FBXO10: variants seen among roughly 807,000 people sequenced by gnomAD.
FBXO10 encodes the protein F-box protein 10.
A neutral mutation model predicts 80.7 loss-of-function variants in FBXO10; 39 were observed. The ratio of observed to expected loss-of-function variants is 0.48; its 90% CI spans 0.37 to 0.63. FBXO10 has a LOEUF of 0.63. Among genes scored for constraint, FBXO10 ranks in the 30% least tolerant of loss-of-function variants. FBXO10 has a pLI of 0.00. For missense variants in FBXO10, 1,025 were observed against 1,269.0 expected, an observed-to-expected ratio of 0.81 and a Z score of 2.92; for synonymous variants, 449 against 489.6, an observed-to-expected ratio of 0.92 and a Z score of 1.09.
intron 1 of FBXO10, among the ~76,000 whole-genome samples, chr9:37,544,967 C>G (rs1459563381): frequency 1.5e-5 from 2 of 134,468 alleles, no homozygotes; most frequent in Admixed American, 1.6e-4. Flanking sequence ...GCACTCCAGC[C>G]TGGGCGACAG....
At chr9:37,518,563 A>C (rs1191593542) in intron 8 of FBXO10, 125 bp from the exon 9 acceptor site, 2 of 764,970 alleles carry the variant, frequency 2.6e-6, no homozygotes, top group Admixed American at 3.1e-5. Flanking sequence ...AGGTACCAAC[A>C]CTCAGAAACA....
In FBXO10 at chr9:37,537,798, T is replaced by C; in HGVS notation, c.731A>G (p.Glu244Gly). 6 of 1,614,004 alleles carry C rather than the reference T, an allele frequency of 3.7e-6. No homozygotes were observed. In the South Asian group the frequency reaches 6.6e-5, roughly 18 times the overall value. Reference protein sequence around the residue: ...FLHNVPLCVLENCEFVGSENN... With the variant: ...FLHNVPLCVLGNCEFVGSENN... ...TTCACTGCCCACAAATTCACAGTTTTCCAGGACACACAGGGGCACGTTGTG... is the reference window on the plus strand; with the variant it reads ...TTCACTGCCCACAAATTCACAGTTTCCCAGGACACACAGGGGCACGTTGTG... The change falls in exon 3 of 11, where the codon GAA (glutamate) becomes GGA (glycine). Residue 244 changes from glutamate (E) to glycine (G), a missense_variant. Glu to Gly is a moderately conservative substitution (Grantham distance 98). Coordinates refer to ENST00000432825, the MANE Select transcript of FBXO10 (RefSeq NM_012166.3).
intron 1 of FBXO10, among the ~76,000 whole-genome samples, chr9:37,560,962 G>A (rs1822464323): frequency 6.6e-6 from 1 of 152,118 alleles, no homozygotes; most frequent in Non-Finnish European, 1.5e-5. Context: ...CTAACACGGT[G>A]AAACCCCGTC....
At chr9:37,526,235 A>G (rs1403771434) in intron 5 of FBXO10, among the ~76,000 whole-genome samples, 2 of 152,166 alleles carry the variant, frequency 1.3e-5, no homozygotes, top group Non-Finnish European at 2.9e-5. Context: ...CCAAGGAAAA[A>G]AGAGAAACAT....
At chr9:37,515,723 C>T in intron 10 of FBXO10, 181 bp downstream of exon 10, 4 of 631,406 alleles carry the variant, frequency 6.3e-6, no homozygotes, top group Non-Finnish European at 1.1e-5. Context: ...TTGTTCCCTC[C>T]TGGGGAGTCC....
intron 3 of FBXO10, among the ~76,000 whole-genome samples, chr9:37,532,486 T>C (rs1416328533): frequency 6.6e-6 from 1 of 151,998 alleles, no homozygotes; most frequent in East Asian, 1.9e-4. Context: ...TTACTATGGA[T>C]GTGGGCTGGA....
At chr9:37,521,530 T>C (rs776413400) in intron 8 of FBXO10, 39 bp downstream of exon 8, 6 of 1,495,944 alleles carry the variant, frequency 4.0e-6, no homozygotes, top group Admixed American at 2.3e-5. Context: ...TGGGGAGCCA[T>C]GGAAGGTTCT....
chr9:37,523,056 A>G (rs745960868), intron 6 of FBXO10, 79 bp from the exon 7 acceptor site: 29 of 1,515,790 alleles, frequency 1.9e-5, no homozygotes, highest in Non-Finnish European at 2.5e-5. Context: ...GACAGTTTTG[A>G]TCAAGGCTAC....
chr9:37,538,327 G>A (rs1821826275), intron 2 of FBXO10, among the ~76,000 whole-genome samples: 1 of 152,182 alleles, frequency 6.6e-6, no homozygotes, highest in Non-Finnish European at 1.5e-5. Context: ...TGTGGCAACT[G>A]ATGCACGTGG....
chr9:37,565,312 A>G (rs1028685128), intron 1 of FBXO10, among the ~76,000 whole-genome samples: 1 of 152,252 alleles, frequency 6.6e-6, no homozygotes, highest in East Asian at 1.9e-4. Context: ...AGTGCCATAA[A>G]AAAGGGAAAG....
intron 3 of FBXO10, among the ~76,000 whole-genome samples, chr9:37,533,231 A>G (rs1292160200): frequency 2.6e-5 from 4 of 152,238 alleles, no homozygotes; most frequent in Non-Finnish European, 5.9e-5. Flanking sequence ...AATATACATT[A>G]TTAAAAATAA....
chr9:37,547,238 T>C (rs766973984), intron 1 of FBXO10, among the ~76,000 whole-genome samples: 1 of 152,204 alleles, frequency 6.6e-6, no homozygotes, highest in Non-Finnish European at 1.5e-5. Context: ...AGAGTACTAT[T>C]CAGCAATACA....
At chr9:37,550,807 T>C (rs1342729185) in intron 1 of FBXO10, among the ~76,000 whole-genome samples, 1 of 152,194 alleles carries the variant, frequency 6.6e-6, no homozygotes, top group Non-Finnish European at 1.5e-5. Context: ...ATGGGTTCCC[T>C]GTTGTTCTCT....
intron 6 of FBXO10, among the ~76,000 whole-genome samples, chr9:37,524,389 G>A (rs1044759736): frequency 2.0e-5 from 3 of 152,134 alleles, no homozygotes; most frequent in Admixed American, 1.3e-4. Context: ...TGACAGCCTC[G>A]TTCACTGCTG....
At chr9:37,562,247 G>A (rs745870039) in intron 1 of FBXO10, among the ~76,000 whole-genome samples, 2 of 152,230 alleles carry the variant, frequency 1.3e-5, no homozygotes, top group Admixed American at 1.3e-4. Flanking sequence ...TGTGGTGGGA[G>A]GAAGTGGCAA....
At chr9:37,517,291 A>T (rs1821207808) in intron 9 of FBXO10, among the ~76,000 whole-genome samples, 1 of 152,180 alleles carries the variant, frequency 6.6e-6, no homozygotes, top group Non-Finnish European at 1.5e-5. Flanking sequence ...GGGCACCAAA[A>T]TCTCAGAATT....
intron 1 of FBXO10, among the ~76,000 whole-genome samples, chr9:37,572,760 T>G (rs1299306147): frequency 4.6e-5 from 7 of 152,234 alleles, no homozygotes. Flanking sequence ...TGTTGGTGAT[T>G]ACGTGTGTAT....
At chr9:37,567,148 CTTTTTTTT>C (rs111249142) in intron 1 of FBXO10, among the ~76,000 whole-genome samples, 1 of 136,840 alleles carries the variant, frequency 7.3e-6, no homozygotes, top group Non-Finnish European at 1.6e-5. Context: ...TTCTTTTTTT[CTTTTTTTT>C]TTTTGAGACA....
In FBXO10 at chr9:37,541,639, G is replaced by A. The variant is rs186372944; in HGVS notation, c.130C>T (p.Arg44Cys). Reference sequence around the variant, plus strand: ...CAACCCAGACACAGCTGCCGCCAGCGGGTGCTGTCGAGACTGAGGATCAGT... The same window carrying A: ...CAACCCAGACACAGCTGCCGCCAGCAGGTGCTGTCGAGACTGAGGATCAGT... ...YELILSLDST[R>C]WRQLCLGCTE... The change falls in exon 2 of 11, where the codon CGC becomes TGC. Residue 44 changes from arginine to cysteine, a missense_variant. Physicochemically the swap from Arg to Cys is radical, Grantham distance 180. Coordinates refer to ENST00000432825, the MANE Select transcript of FBXO10 (RefSeq NM_012166.3). The A allele has an allele frequency of 7.4e-6, 12 of 1,613,908 alleles. No homozygotes were observed. Among genetic ancestry groups the A allele is most frequent in the African/African-American group, 4.0e-5 (3 of 75,046 alleles).
Sources: allele counts gnomAD v4.1 joint callset (sites outside exome capture counted in the v4.1 genomes callset), GRCh38; gene constraint gnomAD v4.1.1; transcripts MANE v1.5; gene names NCBI Gene and HGNC (gene_info 2026-07-23, HGNC 2026-07-21).